UBASH3B: variants seen among roughly 807,000 people sequenced by gnomAD.
UBASH3B encodes the protein ubiquitin associated and SH3 domain containing B.
A neutral mutation model predicts 83.4 loss-of-function variants in UBASH3B; 37 were observed. The observed-to-expected ratio is 0.44, with a 90% CI of 0.34 to 0.58. The LOEUF is 0.58. UBASH3B is among the 20% of genes least tolerant of loss of function. The probability of loss-of-function intolerance (pLI) is 0.01; values close to 1 mark genes in which losing one functional copy is unlikely to be tolerated. For missense variants in UBASH3B, 657 were observed against 827.2 expected, an observed-to-expected ratio of 0.79 and a Z score of 2.52; for synonymous variants, 304 against 318.3, an observed-to-expected ratio of 0.96 and a Z score of 0.48.
intron 1 of UBASH3B, among the ~76,000 whole-genome samples, chr11:122,731,778 A>T (rs1860848185): frequency 6.6e-6 from 1 of 152,222 alleles, no homozygotes; most frequent in Admixed American, 6.5e-5. Context: ...GAACCCTTGG[A>T]AAGTGAAACC....
At chr11:122,778,590 A>ATTTTTTTTTTT (rs138539169) in intron 3 of UBASH3B, among the ~76,000 whole-genome samples, 1 of 118,078 alleles carries the variant, frequency 8.5e-6, no homozygotes. Flanking sequence ...GAGAACTTTG[A>ATTTTTTTTTTT]TTTTTTTTTT....
chr11:122,685,625 TC>T (rs1409937129), intron 1 of UBASH3B, among the ~76,000 whole-genome samples: 1 of 152,212 alleles, frequency 6.6e-6, no homozygotes, highest in Non-Finnish European at 1.5e-5. Flanking sequence ...CCAGCGATTC[TC>T]CTGCCTCAGC....
intron 1 of UBASH3B, among the ~76,000 whole-genome samples, chr11:122,698,843 T>C (rs1863996459): frequency 6.6e-6 from 1 of 152,204 alleles, no homozygotes; most frequent in African/African-American, 2.4e-5. Context: ...GACCATATAC[T>C]GGGATTTTAT....
At chr11:122,706,311 G>A (rs1318297840) in intron 1 of UBASH3B, among the ~76,000 whole-genome samples, 1 of 151,718 alleles carries the variant, frequency 6.6e-6, no homozygotes, top group African/African-American at 2.4e-5. Context: ...TCAGATCTAG[G>A]GCTTGGGACT....
At chr11:122,694,074 A>T (rs1262641667) in intron 1 of UBASH3B, among the ~76,000 whole-genome samples, 6 of 152,166 alleles carry the variant, frequency 3.9e-5, no homozygotes. Flanking sequence ...GATTTGGGTG[A>T]TATGTAGACG....
chr11:122,715,743 A>G (rs1029125312), intron 1 of UBASH3B, among the ~76,000 whole-genome samples: 5 of 152,340 alleles, frequency 3.3e-5, no homozygotes, highest in Non-Finnish European at 5.9e-5. Flanking sequence ...GCAGAAGTTT[A>G]TGCTTGAGTC....
intron 1 of UBASH3B, among the ~76,000 whole-genome samples, chr11:122,757,833 C>T (rs890069976): frequency 2.6e-5 from 4 of 151,166 alleles, no homozygotes; most frequent in Non-Finnish European, 5.9e-5. Context: ...CCTGCCTCAA[C>T]CTCCTGAGTA....
chr11:122,813,212 T>A lies in UBASH3B; in HGVS notation c.*3326T>A, dbSNP rs1265700795. On this transcript the variant is annotated 3_prime_UTR_variant, in exon 14 of 14. Transcript: ENST00000284273. ...ATGCATATAGATTGTCTTGTCATTG[T>A]GCTTAACATTACCATAAGTGTGTCT... 1 of 152,282 alleles carries A rather than the reference T, an allele frequency of 6.6e-6. No individual in the cohort carries two copies. Among genetic ancestry groups the A allele is most frequent in the African/African-American group, 2.4e-5 (1 of 41,476 alleles). 9.4% of individuals were successfully genotyped at this position (152,282 alleles called of 1,614,324 possible). A position where few individuals can be genotyped will look rare whatever the true frequency, so the allele number is the denominator to read the frequency against.
At chr11:122,707,249 T>TA (rs929570960) in intron 1 of UBASH3B, among the ~76,000 whole-genome samples, 1 of 152,158 alleles carries the variant, frequency 6.6e-6, no homozygotes, top group Non-Finnish European at 1.5e-5. Context: ...TGGAAGCCAT[T>TA]AGGCAATGAC....
In UBASH3B at chr11:122,783,049, C is replaced by G; in HGVS notation, c.602-4C>G. The G allele has an allele frequency of 1.9e-6, 3 of 1,607,194 alleles. No individual in the cohort carries two copies. Among genetic ancestry groups the G allele is most frequent in the Non-Finnish European group, 2.5e-6 (3 of 1,177,676 alleles). ...ATTACTGACCTTTTTCTTCCTTTTT[C>G]CAGAAGTGCATGTGGAACCTCATAA... On this transcript the variant is annotated splice_polypyrimidine_tract_variant and splice_region_variant and intron_variant, in intron 4 of 13. Transcript: ENST00000284273.
At chr11:122,703,416 G>C (rs1864074062) in intron 1 of UBASH3B, among the ~76,000 whole-genome samples, 1 of 150,522 alleles carries the variant, frequency 6.6e-6, no homozygotes, top group Non-Finnish European at 1.5e-5. Context: ...AACAGAGCAG[G>C]CCTCCGTCTC....
At chr11:122,715,869 C>T (rs1860516943) in intron 1 of UBASH3B, among the ~76,000 whole-genome samples, 2 of 152,354 alleles carry the variant, frequency 1.3e-5, no homozygotes, top group East Asian at 3.9e-4. Flanking sequence ...ACAGAGGCAG[C>T]ACTCCTCCGC....
intron 1 of UBASH3B, among the ~76,000 whole-genome samples, chr11:122,722,996 C>T (rs1253246459): frequency 2.6e-5 from 4 of 152,178 alleles, no homozygotes; most frequent in African/African-American, 4.8e-5. Flanking sequence ...TGAGCCACCG[C>T]GCCCGGCCCA....
chr11:122,707,055 CCTTA>C (rs1180133474), intron 1 of UBASH3B, among the ~76,000 whole-genome samples: 1 of 152,104 alleles, frequency 6.6e-6, no homozygotes, highest in Non-Finnish European at 1.5e-5. Context: ...ATTAAAACAT[CCTTA>C]CTTTTATGAA....
chr11:122,658,394 C>T (rs1863392163), intron 1 of UBASH3B, among the ~76,000 whole-genome samples: 5 of 152,204 alleles, frequency 3.3e-5, no homozygotes, highest in Admixed American at 3.3e-4. Flanking sequence ...TTCTCCTGCT[C>T]TGAGTCCAGG....
intron 4 of UBASH3B, among the ~76,000 whole-genome samples, chr11:122,781,846 T>C (rs143019886): frequency 1.5e-4 from 23 of 152,298 alleles, no homozygotes; most frequent in Middle Eastern, 3.4e-3. Context: ...TGAGTAAGGA[T>C]ACAGTGTAAG....
chr11:122,697,613 C>T (rs1403447357), intron 1 of UBASH3B, among the ~76,000 whole-genome samples: 2 of 152,182 alleles, frequency 1.3e-5, no homozygotes, highest in Non-Finnish European at 2.9e-5. Context: ...ACTTCTGGAT[C>T]CTTTTTCCTC....
chr11:122,749,949 TCTCAAACTCCTGGC>T (rs1861175216), intron 1 of UBASH3B, among the ~76,000 whole-genome samples: 1 of 152,116 alleles, frequency 6.6e-6, no homozygotes, highest in African/African-American at 2.4e-5. Flanking sequence ...GCCAGGCTGG[TCTCAAACTCCTGGC>T]CTCAAGTGAT....
intron 1 of UBASH3B, among the ~76,000 whole-genome samples, chr11:122,735,410 A>G (rs746894295): frequency 6.6e-6 from 1 of 152,228 alleles, no homozygotes; most frequent in Non-Finnish European, 1.5e-5. Flanking sequence ...CTTCTAGTTA[A>G]GGAAAGAAAT....
Sources: gnomAD v4.1 joint callset for allele counts (sites outside exome capture counted in the v4.1 genomes callset) on GRCh38, gnomAD v4.1.1 for gene constraint, MANE v1.5 for transcripts, NCBI Gene and HGNC (gene_info 2026-07-23, HGNC 2026-07-21) for gene names.